The following SHB variants were observed in gnomAD, a reference collection of about 807,000 sequenced individuals.
The protein encoded by SHB is SH2 domain-containing adapter protein B.
SHB carries 20 observed loss-of-function variants against 52.3 expected under a neutral mutation model. That is an observed-to-expected ratio of 0.38 (90% confidence interval 0.27 to 0.56). SHB has a LOEUF of 0.56. Ranked by LOEUF, SHB falls within the 20% of genes least tolerant of loss-of-function variation. The pLI is 0.71. For synonymous variants in SHB, 397 were observed against 316.5 expected (o/e 1.25, Z -2.70); for missense variants, 825 against 723.3 (o/e 1.14, Z -1.61).
rs1383512732 is a variant in SHB at position 37,917,757 on chromosome 9, G to A, written c.*2064C>T. Among the ~76,000 whole-genome samples, 1 of 152,214 alleles carries A rather than the reference G, an allele frequency of 6.6e-6. No individual in the cohort carries two copies. The highest frequency in any genetic ancestry group is 1.9e-4 in the East Asian group (1 of 5,194). On this transcript the variant is annotated 3_prime_UTR_variant, in exon 6 of 6. Coordinates refer to ENST00000377707, the MANE Select transcript of SHB (RefSeq NM_003028.3). Reference sequence around the variant, plus strand: ...CCTCCCTCATTGAGGGATGTTTTAGGAAATGCCAAACAGGCAAGGAAAGGA... The same window carrying A: ...CCTCCCTCATTGAGGGATGTTTTAGAAAATGCCAAACAGGCAAGGAAAGGA...
In SHB at chr9:38,030,033, G is replaced by A. The variant is rs541955223; in HGVS notation, c.718-13902C>T. On this transcript the variant is annotated intron_variant, in intron 1 of 5. Coordinates refer to ENST00000377707, the MANE Select transcript of SHB (RefSeq NM_003028.3). ...ACATCACTGCGAGATGGATGTGGGT[G>A]TACTCTCACAGCCAGTGGGGAAAGG... Among the ~76,000 whole-genome samples the A allele has an allele frequency of 5.6e-3, 856 of 152,320 alleles. 8 individuals are homozygous for A. The highest frequency in any genetic ancestry group is 0.02 in the African/African-American group (829 of 41,576).
chr9:37,996,290 T>C (rs1180451387), intron 2 of SHB, among the ~76,000 whole-genome samples: 1 of 152,224 alleles, frequency 6.6e-6, no homozygotes, highest in African/African-American at 2.4e-5. Context: ...GGATGAACTT[T>C]CCTGTTTCTC....
intron 2 of SHB, among the ~76,000 whole-genome samples, chr9:38,007,123 A>G (rs943480766): frequency 4.6e-5 from 7 of 152,232 alleles, no homozygotes; most frequent in Admixed American, 3.9e-4. Flanking sequence ...GTGCCAGCAC[A>G]TGGCAGGTGC....
chr9:38,052,788 G>A (rs1050746087), intron 1 of SHB, among the ~76,000 whole-genome samples: 1 of 152,176 alleles, frequency 6.6e-6, no homozygotes, highest in Non-Finnish European at 1.5e-5. Flanking sequence ...TGGCCCTGAA[G>A]GCCTTCCCAC....
At chr9:38,041,768 C>T (rs1197677091) in intron 1 of SHB, among the ~76,000 whole-genome samples, 8 of 152,158 alleles carry the variant, frequency 5.3e-5, no homozygotes, top group African/African-American at 1.7e-4. Flanking sequence ...CCTCCACAAA[C>T]AGGTCGTGAC....
At chr9:37,959,502 T>C (rs1012093430) in intron 3 of SHB, among the ~76,000 whole-genome samples, 1 of 152,140 alleles carries the variant, frequency 6.6e-6, no homozygotes, top group African/African-American at 2.4e-5. Flanking sequence ...AGGGACCAGA[T>C]GAATTATAAG....
intron 2 of SHB, among the ~76,000 whole-genome samples, chr9:38,014,514 G>A (rs1373267247): frequency 6.6e-6 from 1 of 152,238 alleles, no homozygotes; most frequent in Non-Finnish European, 1.5e-5. Context: ...AGCCACTGGA[G>A]GACAGCAGGC....
At chr9:38,025,026 C>A (rs936120968) in intron 1 of SHB, among the ~76,000 whole-genome samples, 3 of 152,174 alleles carry the variant, frequency 2.0e-5, no homozygotes, top group Non-Finnish European at 4.4e-5. Flanking sequence ...AATGCCAGGA[C>A]CAGGTAACCC....
intron 2 of SHB, among the ~76,000 whole-genome samples, chr9:37,997,296 C>G (rs1306617084): frequency 6.6e-6 from 1 of 152,192 alleles, no homozygotes; most frequent in Non-Finnish European, 1.5e-5. Context: ...ACTCAGGTGT[C>G]AGCTCAGCAC....
intron 2 of SHB, among the ~76,000 whole-genome samples, chr9:37,978,563 T>A (rs761264776): frequency 6.6e-6 from 1 of 152,222 alleles, no homozygotes; most frequent in African/African-American, 2.4e-5. Flanking sequence ...CAAGATTGTT[T>A]ATGTGTGGGG....
chr9:38,067,397 T>G, intron 1 of SHB, among the ~76,000 whole-genome samples: 3 of 150,592 alleles, frequency 2.0e-5, no homozygotes, highest in Middle Eastern at 6.8e-3. Context: ...AACCTAGAGC[T>G]GGGGGTGGGG....
At chr9:37,947,340 G>A (rs1832504279) in intron 5 of SHB, among the ~76,000 whole-genome samples, 1 of 152,118 alleles carries the variant, frequency 6.6e-6, no homozygotes, top group Non-Finnish European at 1.5e-5. Flanking sequence ...AGGCAGCTTG[G>A]GTAGCTCTAA....
intron 2 of SHB, among the ~76,000 whole-genome samples, chr9:37,988,712 T>C (rs1820841824): frequency 6.6e-6 from 1 of 152,258 alleles, no homozygotes; most frequent in South Asian, 2.1e-4. Flanking sequence ...TGAGTGTTTC[T>C]GGATGACATC....
chr9:38,024,069 C>T (rs1252118100), intron 1 of SHB, among the ~76,000 whole-genome samples: 1 of 152,216 alleles, frequency 6.6e-6, no homozygotes, highest in African/African-American at 2.4e-5. Flanking sequence ...TTTTCCACTC[C>T]ATTTAGGATT....
At chr9:37,924,827 G>A (rs946851846) in intron 5 of SHB, among the ~76,000 whole-genome samples, 1 of 152,184 alleles carries the variant, frequency 6.6e-6, no homozygotes, top group African/African-American at 2.4e-5. Flanking sequence ...CAGGAAAATT[G>A]TGTCTCATGG....
chr9:38,052,105 C>T (rs1821758593), intron 1 of SHB, among the ~76,000 whole-genome samples: 1 of 152,176 alleles, frequency 6.6e-6, no homozygotes, highest in Non-Finnish European at 1.5e-5. Flanking sequence ...CCTGGACATC[C>T]TGGAATGTCT....
intron 5 of SHB, among the ~76,000 whole-genome samples, chr9:37,928,613 C>G (rs1832277089): frequency 6.6e-6 from 1 of 152,230 alleles, no homozygotes; most frequent in Admixed American, 6.5e-5. Flanking sequence ...TAGGCTAAAG[C>G]CACACCACTC....
At chr9:37,983,485 G>A (rs1187034092) in intron 2 of SHB, among the ~76,000 whole-genome samples, 1 of 152,178 alleles carries the variant, frequency 6.6e-6, no homozygotes, top group East Asian at 1.9e-4. Context: ...GGAACCTCTG[G>A]GCAGGGAGGA....
intron 2 of SHB, among the ~76,000 whole-genome samples, chr9:38,011,271 G>A (rs772352279): frequency 2.6e-5 from 4 of 152,206 alleles, no homozygotes; most frequent in Non-Finnish European, 5.9e-5. Context: ...AGATGATGGG[G>A]CATGAAGGGA....
Sources: gnomAD v4.1 joint callset for allele counts (sites outside exome capture counted in the v4.1 genomes callset) on GRCh38, gnomAD v4.1.1 for gene constraint, MANE v1.5 for transcripts, NCBI Gene and HGNC (gene_info 2026-07-23, HGNC 2026-07-21) for gene names.